Variants in PLCH1 observed in about 807,000 individuals in gnomAD.
The protein encoded by PLCH1 is phospholipase C eta 1, also known as 1-phosphatidylinositol 4,5-bisphosphate phosphodiesterase eta-1.
PLCH1 carries 60 observed loss-of-function variants against 126.7 expected under a neutral mutation model. That is an observed-to-expected ratio of 0.47 (90% confidence interval 0.38 to 0.59). The LOEUF is 0.59. PLCH1 is among the 20% of genes least tolerant of loss of function. PLCH1 has a pLI of 0.00. For missense variants in PLCH1, 1,723 were observed against 2,040.0 expected (o/e 0.84, Z 2.99); for synonymous variants, 719 against 734.9 (o/e 0.98, Z 0.35).
At position 155,458,575 on chromosome 3, in the gene PLCH1, AAAGAAAGG is replaced by A. The variant is rs1488664382; in HGVS notation, c.2938+26773_2938+26780del. On this transcript the variant is annotated intron_variant, in intron 21 of 21. Coordinates refer to the PLCH1 transcript ENST00000494598. ...GAAAGAGAAAAAGAAAGAAAGAAAG[AAAGAAAGG>A]AAGAAAGAAAGAAACCATGTTTAGA... 2.9e-3 allele frequency among the ~76,000 whole-genome samples: 435 copies of A among 150,690 alleles called. 10 individuals carry two copies. The highest frequency in any genetic ancestry group is 0.01 in the African/African-American group (416 of 40,356).
At chr3:155,504,930 G>T (rs1576850695) in intron 12 of PLCH1, among the ~76,000 whole-genome samples, 1 of 152,208 alleles carries the variant, frequency 6.6e-6, no homozygotes. Flanking sequence ...GGCCCTCATG[G>T]TGCCTGTTCA....
At chr3:155,552,608 G>A (rs1305974741) in intron 9 of PLCH1, among the ~76,000 whole-genome samples, 1 of 152,152 alleles carries the variant, frequency 6.6e-6, no homozygotes, top group Non-Finnish European at 1.5e-5. Flanking sequence ...CAATAGGGAA[G>A]CTGAAAGACA....
chr3:155,501,242 C>T (rs1487555438), intron 13 of PLCH1, among the ~76,000 whole-genome samples: 1 of 152,066 alleles, frequency 6.6e-6, no homozygotes, highest in African/African-American at 2.4e-5. Context: ...AAATAACTAC[C>T]ATTTCTGCTT....
At chr3:155,586,877 C>T (rs1482107392) in intron 4 of PLCH1, among the ~76,000 whole-genome samples, 1 of 152,144 alleles carries the variant, frequency 6.6e-6, no homozygotes, top group Non-Finnish European at 1.5e-5. Flanking sequence ...AATTACCCTC[C>T]TAATCCTCAT....
At chr3:155,573,756 G>C (rs563479722) in intron 6 of PLCH1, among the ~76,000 whole-genome samples, 3 of 152,148 alleles carry the variant, frequency 2.0e-5, no homozygotes, top group Non-Finnish European at 4.4e-5. Context: ...GAAGAAGCAG[G>C]AAAATAGAAT....
intron 11 of PLCH1, among the ~76,000 whole-genome samples, chr3:155,519,840 A>G (rs1475947683): frequency 2.7e-5 from 4 of 149,698 alleles, no homozygotes; most frequent in Non-Finnish European, 4.4e-5. Context: ...CATCCCCCCA[A>G]TTTTTTTTTC....
intron 2 of PLCH1, among the ~76,000 whole-genome samples, chr3:155,680,240 G>T (rs563095958): frequency 2.6e-5 from 4 of 152,070 alleles, no homozygotes; most frequent in Admixed American, 6.5e-5. Context: ...AAAATTAGCC[G>T]AGTGTGGTGG....
At chr3:155,643,964 A>G (rs1269641145) in intron 2 of PLCH1, among the ~76,000 whole-genome samples, 1 of 152,172 alleles carries the variant, frequency 6.6e-6, no homozygotes, top group Non-Finnish European at 1.5e-5. Context: ...CCAGTCCCTG[A>G]TTGTTATGAT....
At chr3:155,493,941 C>T (rs1431129513) in intron 17 of PLCH1, among the ~76,000 whole-genome samples, 200 bp downstream of exon 17, 1 of 152,128 alleles carries the variant, frequency 6.6e-6, no homozygotes, top group Non-Finnish European at 1.5e-5. Flanking sequence ...TTCTAAACAT[C>T]ACGGCTAACC....
At chr3:155,539,858 T>C (rs1723988515) in intron 10 of PLCH1, among the ~76,000 whole-genome samples, 3 of 151,860 alleles carry the variant, frequency 2.0e-5, no homozygotes, top group Admixed American at 2.0e-4. Context: ...CAAAATACCA[T>C]CATCATTCCT....
chr3:155,541,632 G>A (rs773590359), intron 10 of PLCH1, among the ~76,000 whole-genome samples: 29 of 151,986 alleles, frequency 1.9e-4, no homozygotes, highest in Non-Finnish European at 1.5e-5. Flanking sequence ...AAGAACAATT[G>A]CAATAGTAGC....
chr3:155,487,837 C>T (rs2108052430), intron 21 of PLCH1, among the ~76,000 whole-genome samples, 191 bp downstream of exon 21: 1 of 152,266 alleles, frequency 6.6e-6, no homozygotes, highest in East Asian at 1.9e-4. Flanking sequence ...GAGTACACAC[C>T]TTAAATAGTG....
chr3:155,628,014 C>G (rs970606549), intron 2 of PLCH1, among the ~76,000 whole-genome samples: 43 of 151,928 alleles, frequency 2.8e-4, no homozygotes, highest in African/African-American at 9.9e-4. Flanking sequence ...TGATCCACCC[C>G]CTTCGGGCTC....
intron 1 of PLCH1, among the ~76,000 whole-genome samples, chr3:155,735,246 G>C (rs1021726050): frequency 6.6e-6 from 1 of 152,130 alleles, no homozygotes; most frequent in Non-Finnish European, 1.5e-5. Context: ...CTGGTCAAAG[G>C]ATACAAAATT....
intron 10 of PLCH1, among the ~76,000 whole-genome samples, chr3:155,545,631 A>G (rs1725143271): frequency 6.6e-6 from 1 of 152,242 alleles, no homozygotes. Context: ...TCAATGCAAA[A>G]ATTCTCAATA....
At chr3:155,736,186 AC>A (rs962999671) in intron 1 of PLCH1, among the ~76,000 whole-genome samples, 42 of 152,356 alleles carry the variant, frequency 2.8e-4, no homozygotes, top group African/African-American at 9.6e-4. Flanking sequence ...AACAGATTTC[AC>A]ATTTCTCTCT....
chr3:155,511,383 T>C (rs1432343842), intron 12 of PLCH1, among the ~76,000 whole-genome samples: 1 of 122,228 alleles, frequency 8.2e-6, no homozygotes, highest in Non-Finnish European at 1.6e-5. Context: ...TCCAGCTTTG[T>C]TCCGTTGCTG....
At chr3:155,468,475 C>T (rs1216701708) in intron 21 of PLCH1, among the ~76,000 whole-genome samples, 1 of 152,140 alleles carries the variant, frequency 6.6e-6, no homozygotes, top group Non-Finnish European at 1.5e-5. Context: ...ACAAGACCCA[C>T]TGATCTGCTG....
chr3:155,729,369 C>G (rs1017694282), intron 1 of PLCH1, among the ~76,000 whole-genome samples: 1 of 152,188 alleles, frequency 6.6e-6, no homozygotes, highest in Admixed American at 6.5e-5. Context: ...CTCCTCCTTT[C>G]AACCACACAG....
Sources: gnomAD v4.1 joint callset for allele counts (sites outside exome capture counted in the v4.1 genomes callset) on GRCh38, gnomAD v4.1.1 for gene constraint, MANE v1.5 for transcripts, NCBI Gene and HGNC (gene_info 2026-07-23, HGNC 2026-07-21) for gene names.